The following GPC6 variants were observed in gnomAD, a reference collection of about 807,000 sequenced individuals.
GPC6 encodes glypican 6.
Under a neutral mutation model 55.2 loss-of-function variants are expected in GPC6, and 14 were observed. That is an observed-to-expected ratio of 0.25 (90% CI 0.17 to 0.40). The LOEUF (loss-of-function observed/expected upper bound fraction) is 0.40, where lower values mean the gene tolerates loss of function less well. Among genes scored for constraint, GPC6 ranks in the 10% least tolerant of loss-of-function variants. The pLI is 1.00. For missense variants in GPC6, 641 were observed against 708.5 expected (o/e 0.90, Z 1.08); for synonymous variants, 278 against 259.6 (o/e 1.07, Z -0.68).
intron 2 of GPC6, among the ~76,000 whole-genome samples, chr13:93,714,958 G>A (rs1046848195): frequency 3.3e-5 from 5 of 151,470 alleles, no homozygotes; most frequent in African/African-American, 4.8e-5. Context: ...TGGTGACAGG[G>A]GTATATTTTT....
intron 4 of GPC6, among the ~76,000 whole-genome samples, chr13:94,149,008 C>T (rs1887650102): frequency 6.6e-6 from 1 of 152,118 alleles, no homozygotes; most frequent in Non-Finnish European, 1.5e-5. Context: ...TACTTCTAAC[C>T]ATTCAGTTTA....
chr13:94,171,169 C>G (rs1888556894), intron 4 of GPC6, among the ~76,000 whole-genome samples: 1 of 152,132 alleles, frequency 6.6e-6, no homozygotes, highest in Admixed American at 6.5e-5. Flanking sequence ...CCATTGGGAC[C>G]TAACAGTACT....
rs1288008623 is a variant in GPC6, at chr13:94,407,757, G to GCCAA, written c.*4541_*4544dup. On this transcript the variant is annotated 3_prime_UTR_variant, in exon 9 of 9. Transcript: ENST00000377047. ...AAAAGACTAATAATTTCCCAATTTAGCCAATTGCATTGATTTTTATACTTC... is the reference window on the plus strand; with the variant it reads ...AAAAGACTAATAATTTCCCAATTTAGCCAACCAATTGCATTGATTTTTATACTTC... Among the ~76,000 whole-genome samples, 1 of 152,124 alleles carries GCCAA rather than the reference G, an allele frequency of 6.6e-6. No individual in the cohort carries two copies. The highest frequency in any genetic ancestry group is 1.5e-5 in the Non-Finnish European group (1 of 68,002).
intron 2 of GPC6, among the ~76,000 whole-genome samples, chr13:93,793,041 G>A (rs1357916530): frequency 6.6e-6 from 1 of 152,228 alleles, no homozygotes; most frequent in African/African-American, 2.4e-5. Flanking sequence ...TAATGCCGGC[G>A]AAATTTGATT....
chr13:93,640,517 A>C, intron 2 of GPC6, among the ~76,000 whole-genome samples: 1 of 152,018 alleles, frequency 6.6e-6, no homozygotes, highest in Admixed American at 6.6e-5. Flanking sequence ...TAACCATCAA[A>C]ATATATTGCT....
intron 4 of GPC6, among the ~76,000 whole-genome samples, chr13:94,029,513 T>C (rs1441590459): frequency 1.3e-5 from 2 of 152,188 alleles, no homozygotes; most frequent in Non-Finnish European, 1.5e-5. Context: ...CTAATGCTGA[T>C]AAAAAGGTAC....
rs529698978 is a variant in GPC6, at chr13:93,851,091, A to G, written c.711+20546A>G. On this transcript the variant is annotated intron_variant, in intron 3 of 8. Transcript: ENST00000377047. The stretch of plus-strand genomic sequence containing the variant: ...TGGGCTTAATTCTAATTTTGGTGTA[A>G]CACAGCTTACTTTTATAATAACAGG... Among the ~76,000 whole-genome samples, 3 of 152,038 alleles carry G rather than the reference A, an allele frequency of 2.0e-5. No homozygotes were observed. The South Asian group carries it at 6.2e-4, about 32-fold the overall frequency.
chr13:93,745,325 T>C (rs1221411014), intron 2 of GPC6, among the ~76,000 whole-genome samples: 1 of 152,146 alleles, frequency 6.6e-6, no homozygotes, highest in African/African-American at 2.4e-5. Flanking sequence ...TTCCTTCTTC[T>C]GCCTGGAATG....
intron 4 of GPC6, among the ~76,000 whole-genome samples, chr13:94,211,993 C>A (rs1890093473): frequency 6.6e-6 from 1 of 152,296 alleles, no homozygotes; most frequent in East Asian, 1.9e-4. Context: ...ACATTAAATT[C>A]TCTCCTACAC....
chr13:93,894,344 G>C (rs1164915534), intron 3 of GPC6, among the ~76,000 whole-genome samples: 6 of 152,114 alleles, frequency 3.9e-5, no homozygotes, highest in African/African-American at 1.4e-4. Flanking sequence ...TGGGATTAAG[G>C]TGTATATGGC....
At chr13:93,656,635 G>T (rs561195830) in intron 2 of GPC6, among the ~76,000 whole-genome samples, 1 of 152,006 alleles carries the variant, frequency 6.6e-6, no homozygotes, top group Non-Finnish European at 1.5e-5. Flanking sequence ...AGAGGATATG[G>T]CTATCAATCT....
At chr13:93,660,782 A>G in intron 2 of GPC6, among the ~76,000 whole-genome samples, 1 of 152,214 alleles carries the variant, frequency 6.6e-6, no homozygotes, top group East Asian at 1.9e-4. Context: ...ATCTTCCAGG[A>G]GATTGCCTTA....
chr13:93,220,795 A>G, the GPC6 span, among the ~76,000 whole-genome samples: 1 of 152,216 alleles, frequency 6.6e-6, no homozygotes, highest in South Asian at 2.1e-4. Context: ...TTAATACCTA[A>G]GATGTAGTTC....
chr13:93,824,830 A>G (rs868252863), intron 2 of GPC6, among the ~76,000 whole-genome samples: 11 of 152,066 alleles, frequency 7.2e-5, no homozygotes, highest in African/African-American at 2.2e-4. Context: ...GTCAGGATGT[A>G]TTTCACTGGA....
rs1296557405 is a variant in GPC6, at chr13:93,522,930, A to G, written c.161-22333A>G. On this transcript the variant is annotated intron_variant, in intron 1 of 8. Coordinates refer to ENST00000377047, the MANE Select transcript of GPC6 (RefSeq NM_005708.5). Reference sequence around the variant, plus strand: ...TGAAGGAGACAAAGGTGGAGGGAAGAGGAAGGAAAAAGCAGTTTGATGTCA... The same window carrying G: ...TGAAGGAGACAAAGGTGGAGGGAAGGGGAAGGAAAAAGCAGTTTGATGTCA... Among the ~76,000 whole-genome samples, 3 of 151,864 alleles carry G rather than the reference A, an allele frequency of 2.0e-5. 1 individual carries two copies. The highest frequency in any genetic ancestry group is 4.1e-4 in the South Asian group (2 of 4,824).
At chr13:93,612,235 C>G (rs543015690) in intron 2 of GPC6, among the ~76,000 whole-genome samples, 9 of 152,258 alleles carry the variant, frequency 5.9e-5, no homozygotes, top group African/African-American at 2.2e-4. Context: ...CGCGGTGGCT[C>G]ACGCCTGTAA....
At chr13:94,178,817 G>C (rs1179795276) in intron 4 of GPC6, among the ~76,000 whole-genome samples, 1 of 152,170 alleles carries the variant, frequency 6.6e-6, no homozygotes. Context: ...GGTCTGTGCA[G>C]CCAGCAGAAA....
chr13:94,244,213 CAGAGTATCT>C (rs1566586323), intron 4 of GPC6, among the ~76,000 whole-genome samples: 1 of 152,078 alleles, frequency 6.6e-6, no homozygotes, highest in African/African-American at 2.4e-5. Flanking sequence ...TGTGCCAAGT[CAGAGTATCT>C]AAAAACCGCA....
At chr13:94,286,168 C>T (rs1382614206) in intron 4 of GPC6, among the ~76,000 whole-genome samples, 181 bp from the exon 5 acceptor site, 2 of 152,186 alleles carry the variant, frequency 1.3e-5, no homozygotes, top group Non-Finnish European at 2.9e-5. Context: ...TTTGAATCTT[C>T]AAACAAAATA....
Sources: gnomAD v4.1 joint callset for allele counts (sites outside exome capture counted in the v4.1 genomes callset) on GRCh38, gnomAD v4.1.1 for gene constraint, MANE v1.5 for transcripts, NCBI Gene and HGNC (gene_info 2026-07-23, HGNC 2026-07-21) for gene names.